Variants in MYH9 observed in about 807,000 individuals in gnomAD.
MYH9 encodes the protein myosin heavy chain 9.
A neutral mutation model predicts 241.9 loss-of-function variants in MYH9; 29 were observed. The ratio of observed to expected loss-of-function variants is 0.12; its 90% confidence interval spans 0.09 to 0.16. The LOEUF is 0.16. MYH9 is among the 10% of genes least tolerant of loss of function. The pLI is 1.00. For synonymous variants in MYH9, 1,047 were observed against 1,062.6 expected, an observed-to-expected ratio of 0.99 and a Z score of 0.29; for missense variants, 1,803 against 2,595.5, an observed-to-expected ratio of 0.69 and a Z score of 6.63.
In MYH9 at chr22:36,300,562, G is replaced by A. The variant is rs529323312; in HGVS notation, c.2838+289C>T. ...CTCCCACCCATGAAACAGGCAGGAC[G>A]CAGAGGTGCTGGCCCTGTGCCCCTT... On this transcript the variant is annotated intron_variant, in intron 22 of 40. Transcript: ENST00000216181. The surrounding 1 kb of genome is among the most constrained non-coding windows in gnomAD (Gnocchi z 5.0). Among the ~76,000 whole-genome samples, 16 of 152,352 alleles carry A rather than the reference G, an allele frequency of 1.1e-4. No homozygotes were observed. The highest frequency in any genetic ancestry group is 2.1e-4 in the South Asian group (1 of 4,828).
At chr22:36,315,992 T>C (rs2146358515) in intron 12 of MYH9, among the ~76,000 whole-genome samples, 1 of 150,034 alleles carries the variant, frequency 6.7e-6, no homozygotes, top group East Asian at 2.0e-4. Context: ...GAGCTATGAC[T>C]GCACCTCTGT....
At chr22:36,294,623 G>A (rs2016760131) in intron 27 of MYH9, among the ~76,000 whole-genome samples, 1 of 152,226 alleles carries the variant, frequency 6.6e-6, no homozygotes, top group Admixed American at 6.5e-5. Context: ...AGCAATATTT[G>A]TAACGCAATA....
rs1603482754 is a variant in MYH9, at chr22:36,286,833, T to C, written c.4946A>G (p.Asp1649Gly). 7 of 1,608,642 alleles carry C rather than the reference T, an allele frequency of 4.4e-6. No homozygotes were observed. Among genetic ancestry groups the C allele is most frequent in the Non-Finnish European group, 5.9e-6 (7 of 1,179,996 alleles). Residue 1649 changes from aspartate (D) to glycine (G), a missense_variant, in exon 35 of 41, where the codon GAC (aspartate) becomes GGC (glycine). This residue lies in a region of MYH9 where 876 missense variants were observed against 1,077.8 expected (regional missense o/e 0.81). Transcript: ENST00000216181. ...QLRKLQAQMK[D>G]CMRELDDTRA... ...GGTGTCATCCAGCTCGCGCATGCAGTCCTTCATCTGGGCCTGGGGTGGGGA... is the reference window on the plus strand; with the variant it reads ...GGTGTCATCCAGCTCGCGCATGCAGCCCTTCATCTGGGCCTGGGGTGGGGA...
chr22:36,289,413 G>C, intron 31 of MYH9, 116 bp from the exon 32 acceptor site: 1 of 938,632 alleles, frequency 1.1e-6, no homozygotes, highest in South Asian at 1.5e-5. Context: ...GAGAGGAGCA[G>C]GCCTAGGAAG....
Position 36,294,971 on chromosome 22 carries a change from G to T in MYH9, c.3591C>A (p.Ala1197=), listed in dbSNP as rs549408462. ...IQEMRQKHSQ[A]VEELAEQLEQ... is the part of the protein sequence containing the mutation. ...CCAGCTGCTCCGCCAGCTCCTCCAC[G>T]GCCTGTGAGTGCTTCTGCCTCATCT... Residue 1197 remains alanine (A), a synonymous_variant, in exon 27 of 41, where the codon GCC becomes GCA. Coordinates refer to ENST00000216181, the MANE Select transcript of MYH9 (RefSeq NM_002473.6). 6.2e-7 allele frequency: 1 copy of T among 1,614,104 alleles called. No individual in the cohort carries two copies. Among genetic ancestry groups the T allele is most frequent in the South Asian group, 1.1e-5 (1 of 91,088 alleles).
At chr22:36,302,800 T>C in intron 19 of MYH9, 124 bp from the exon 20 acceptor site, 1 of 774,922 alleles carries the variant, frequency 1.3e-6, no homozygotes, top group South Asian at 1.4e-5. Context: ...AGAAAGAAAT[T>C]CAGGGAAGGG....
In MYH9 at chr22:36,305,381, AT is replaced by A. The variant is rs1329877911; in HGVS notation, c.2160-280del. Among the ~76,000 whole-genome samples, 1 of 152,100 alleles carries A rather than the reference AT, an allele frequency of 6.6e-6. No homozygotes were observed. Among genetic ancestry groups the A allele is most frequent in the East Asian group, 1.9e-4 (1 of 5,192 alleles). ...GTGCTTCAGGTTGGACTAAGTGCTA[AT>A]TGCCTGAGATCCTCATCTGTCACCC... On this transcript the variant is annotated intron_variant, in intron 17 of 40. Coordinates refer to ENST00000216181, the MANE Select transcript of MYH9 (RefSeq NM_002473.6). This position sits in a 1 kb window ranked among gnomAD's most constrained non-coding sequence, Gnocchi z 4.7.
Position 36,349,057 on chromosome 22 carries a change from C to G in MYH9, c.180G>C (p.Glu60Asp). ...TGTTCACCTTCACCTTCTTCCCATT[C>G]TCCACCAGCTCCACGATGGCCTCTT... The part of the protein sequence containing the change: ...VGEEAIVELV[E>D]NGKKVKVNKD... The change falls in exon 2 of 41, where the codon GAG becomes GAC. Residue 60 changes from glutamate (E) to aspartate (D), a missense_variant. Around this residue, in one of 11 missense-constraint regions of MYH9, gnomAD observed 75 missense variants for 79.1 expected, o/e 0.95. Transcript: ENST00000216181. 1 of 1,614,268 alleles carries G rather than the reference C, an allele frequency of 6.2e-7. No homozygotes were observed.
At chr22:36,298,793 T>C (rs1429535303) in intron 24 of MYH9, 126 bp downstream of exon 24, 9 of 1,411,426 alleles carry the variant, frequency 6.4e-6, no homozygotes, top group South Asian at 1.2e-5. Flanking sequence ...GCCAGTGCTG[T>C]AGTGTGACCC....
At chr22:36,310,285 A>C (rs1359366974) in intron 14 of MYH9, among the ~76,000 whole-genome samples, 1 of 150,868 alleles carries the variant, frequency 6.6e-6, no homozygotes, top group African/African-American at 2.4e-5. Context: ...AAAAAAAAAA[A>C]GATAGAGATA....
Position 36,381,631 on chromosome 22 carries a change from G to A in MYH9, c.-20+6176C>T, listed in dbSNP as rs114987135. Among the ~76,000 whole-genome samples, 687 of 152,122 alleles carry A rather than the reference G, an allele frequency of 4.5e-3. 4 individuals are homozygous for A. Among genetic ancestry groups the A allele is most frequent in the African/African-American group, 0.016 (658 of 41,486 alleles). ...CAGTATCTTTCCAGAAATACTGCATGCACAGAGCAGAGTTTACATACCATG... is the reference window on the plus strand; with the variant it reads ...CAGTATCTTTCCAGAAATACTGCATACACAGAGCAGAGTTTACATACCATG... On this transcript the variant is annotated intron_variant, in intron 1 of 40. Coordinates refer to ENST00000216181, the MANE Select transcript of MYH9 (RefSeq NM_002473.6).
chr22:36,293,215 G>C lies in MYH9; in HGVS notation c.4095+114C>G. On this transcript the variant is annotated intron_variant, in intron 30 of 40. Coordinates refer to ENST00000216181, the MANE Select transcript of MYH9 (RefSeq NM_002473.6). The surrounding 1 kb of genome is among the most constrained non-coding windows in gnomAD (Gnocchi z 5.1). ...GAGAGCACGGTTGGCTTCCCAGGGGGAGAGCAGCAATGGGCCGGCCCAGCG... is the reference window on the plus strand; with the variant it reads ...GAGAGCACGGTTGGCTTCCCAGGGGCAGAGCAGCAATGGGCCGGCCCAGCG... 2 of 1,399,276 alleles carry C rather than the reference G, an allele frequency of 1.4e-6. No homozygotes were observed. Among genetic ancestry groups the C allele is most frequent in the South Asian group, 2.4e-5 (2 of 82,546 alleles). 86.7% of individuals were successfully genotyped at this position (1,399,276 alleles called of 1,614,324 possible). A position where few individuals can be genotyped will look rare whatever the true frequency, so the allele number is the denominator to read the frequency against.
chr22:36,366,054 G>C (rs111476559), intron 1 of MYH9, among the ~76,000 whole-genome samples: 30 of 152,192 alleles, frequency 2.0e-4, no homozygotes, highest in African/African-American at 6.7e-4. Flanking sequence ...CAGGCACGGT[G>C]GTGGGCACCT....
rs970277102 is a variant in MYH9 at position 36,322,332 on chromosome 22, G to T, written c.705+97C>A. 3.4e-5 allele frequency: 45 copies of T among 1,328,470 alleles called. No homozygotes were observed. In the African/African-American group the frequency reaches 5.8e-4, roughly 17 times the overall value. 82.3% of individuals were successfully genotyped at this position (1,328,470 alleles called of 1,614,324 possible). A position where few individuals can be genotyped will look rare whatever the true frequency, so the allele number is the denominator to read the frequency against. On this transcript the variant is annotated intron_variant, in intron 6 of 40. Coordinates refer to ENST00000216181, the MANE Select transcript of MYH9 (RefSeq NM_002473.6). ...ATAGCACCGAGTCTGAACCGTCCTC[G>T]GTTTTGAGGGGAGGGCACCCAGGAA...
intron 1 of MYH9, among the ~76,000 whole-genome samples, chr22:36,368,485 G>C (rs2018043372): frequency 6.6e-6 from 1 of 152,188 alleles, no homozygotes; most frequent in Non-Finnish European, 1.5e-5. Context: ...CATCTGGCAA[G>C]GCGTCACATA....
Position 36,282,458 on chromosome 22 carries a change from GGGGA to G in MYH9, c.*206_*209del. The G allele has an allele frequency of 1.4e-6, 1 of 698,270 alleles. No homozygotes were observed. The highest frequency in any genetic ancestry group is 1.9e-5 in the Admixed American group (1 of 52,352). The allele number at this position is 698,270 out of a possible 1,614,324, so 43.3% of individuals were successfully genotyped here. ...TCTCTTTGGTATCAGATTCTGAGCA[GGGGA>G]GGGAGCTGGAAGGGGATGCAGCAGA... On this transcript the variant is annotated 3_prime_UTR_variant, in exon 41 of 41. Transcript: ENST00000216181.
At chr22:36,325,932 A>G (rs1228102559) in intron 5 of MYH9, among the ~76,000 whole-genome samples, 2 of 152,164 alleles carry the variant, frequency 1.3e-5, no homozygotes, top group African/African-American at 4.8e-5. Flanking sequence ...GTGGGGTGAA[A>G]AGCTGCTTAG....
intron 35 of MYH9, 30 bp downstream of exon 35, chr22:36,286,688 G>T: frequency 6.2e-7 from 1 of 1,609,372 alleles, no homozygotes. Context: ...GCAGGGCAGC[G>T]GTGCCGCTCT....
chr22:36,301,494 C>T, intron 21 of MYH9, 40 bp downstream of exon 21: 1 of 1,610,540 alleles, frequency 6.2e-7, no homozygotes, highest in Non-Finnish European at 8.5e-7. Context: ...CAGCACCAGG[C>T]AGGTCGTGCG....
Sources: allele counts gnomAD v4.1 joint callset (sites outside exome capture counted in the v4.1 genomes callset), GRCh38; gene constraint gnomAD v4.1.1; regional missense constraint gnomAD v4.1.1; non-coding constraint Gnocchi (gnomAD v3.1); transcripts MANE v1.5; gene names NCBI Gene and HGNC (gene_info 2026-07-23, HGNC 2026-07-21).